The following PKLR variants were observed in gnomAD, a reference collection of about 807,000 sequenced individuals.
The protein encoded by PKLR is pyruvate kinase PKLR.
In PKLR, 38 loss-of-function variants were observed where a neutral mutation model predicts 53.6. That is an observed-to-expected ratio of 0.71 (90% confidence interval 0.55 to 0.93). PKLR has a LOEUF of 0.93. PKLR is among the 40% of genes least tolerant of loss of function. The pLI is 0.00. For synonymous variants in PKLR, 328 were observed against 316.2 expected (o/e 1.04, Z -0.39); for missense variants, 702 against 787.3 (o/e 0.89, Z 1.30).
chr1:155,294,803 G>T, intron 5 of PKLR, 51 bp from the exon 6 acceptor site: 1 of 1,608,246 alleles, frequency 6.2e-7, no homozygotes, highest in Non-Finnish European at 8.5e-7. Flanking sequence ...ACGGGGCACA[G>T]TTGCAGCAGA....
At position 155,293,095 on chromosome 1, in the gene PKLR, C is replaced by T. The variant is rs1489610264; in HGVS notation, c.1436+82G>A. 6.9e-7 allele frequency: 1 copy of T among 1,450,838 alleles called. No homozygotes were observed. Among genetic ancestry groups the T allele is most frequent in the Non-Finnish European group, 9.7e-7 (1 of 1,031,392 alleles). The allele number at this position is 1,450,838 out of a possible 1,614,324, so 89.9% of individuals were successfully genotyped here. A position where few individuals can be genotyped will look rare whatever the true frequency, so the allele number is the denominator to read the frequency against. The stretch of plus-strand genomic sequence containing the variant: ...GTGGACACTCTTCACCCCTGGTGAC[C>T]AGACTAAACCCAAGCCTGGGGCCCG... On this transcript the variant is annotated intron_variant, in intron 9 of 10. Transcript: ENST00000342741. This position sits in a 1 kb window ranked among gnomAD's most constrained non-coding sequence, Gnocchi z 4.2.
In PKLR at chr1:155,290,636, A is replaced by G. The variant is rs1674489561; in HGVS notation, c.1661T>C (p.Val554Ala). 1 of 1,613,706 alleles carries G rather than the reference A, an allele frequency of 6.2e-7. No homozygotes were observed. Among genetic ancestry groups the G allele is most frequent in the Non-Finnish European group, 8.5e-7 (1 of 1,179,706 alleles). Reference sequence around the variant, plus strand: ...GGAGCCAGGTCGCCAGCCTGTCACCACAATCACCAGGTCTCCAACACGGAG... The same window carrying G: ...GGAGCCAGGTCGCCAGCCTGTCACCGCAATCACCAGGTCTCCAACACGGAG... ...GFLRVGDLVI[V>A]VTGWRPGSGY... The change falls in exon 11 of 11, where the codon GTG becomes GCG. Residue 554 changes from valine to alanine, a missense_variant. Physicochemically the swap from Val to Ala is moderately conservative, Grantham distance 64 (BLOSUM62 0). Coordinates refer to ENST00000342741, the MANE Select transcript of PKLR (RefSeq NM_000298.6).
intron 2 of PKLR, among the ~76,000 whole-genome samples, chr1:155,296,654 T>G (rs1465345887): frequency 1.3e-5 from 2 of 152,096 alleles, no homozygotes; most frequent in African/African-American, 2.4e-5. Context: ...CATGTTTTCC[T>G]TTTTTACTGG....
chr1:155,296,144 T>C (rs1010588359), intron 2 of PKLR, among the ~76,000 whole-genome samples: 1 of 152,090 alleles, frequency 6.6e-6, no homozygotes, highest in African/African-American at 2.4e-5. Flanking sequence ...GGAGGCCTCA[T>C]GGACTGAGGA....
intron 2 of PKLR, among the ~76,000 whole-genome samples, chr1:155,296,320 C>A (rs1177361210): frequency 2.0e-5 from 3 of 152,014 alleles, no homozygotes; most frequent in Non-Finnish European, 2.9e-5. Flanking sequence ...CTCTGTGACA[C>A]CCATGTTTTC....
chr1:155,297,071 C>T (rs981629771), intron 2 of PKLR, among the ~76,000 whole-genome samples: 9 of 152,188 alleles, frequency 5.9e-5, no homozygotes, highest in African/African-American at 2.2e-4. Flanking sequence ...TCCCAGTCTC[C>T]TTTCCTTGTT....
chr1:155,304,603 C>T (rs560722269), upstream of PKLR, among the ~76,000 whole-genome samples: 9 of 152,134 alleles, frequency 5.9e-5, no homozygotes, highest in South Asian at 6.2e-4. Context: ...CAGAGTGGAA[C>T]GGCAAAACAG....
chr1:155,292,474 A>G (rs1276843348), intron 9 of PKLR, among the ~76,000 whole-genome samples: 1 of 152,064 alleles, frequency 6.6e-6, no homozygotes, highest in Non-Finnish European at 1.5e-5. Flanking sequence ...TGTCTCTACT[A>G]AAAATACAAA....
In PKLR at chr1:155,294,718, G is replaced by A. The variant is rs1335763879; in HGVS notation, c.729C>T (p.Gly243=). ...CGCCCTTCCGGCTGCCCAGGACGCC[G>A]CCGTTCTCCACTTGGGTCACCAGTC... The part of the protein sequence containing the change: ...PEGLVTQVEN[G]GVLGSRKGVN... Residue 243 remains glycine, a synonymous_variant, in exon 6 of 11, where the codon GGC becomes GGT. Coordinates refer to ENST00000342741, the MANE Select transcript of PKLR (RefSeq NM_000298.6). 3 of 1,613,918 alleles carry A rather than the reference G, an allele frequency of 1.9e-6. No homozygotes were observed. The highest frequency in any genetic ancestry group is 1.7e-6 in the Non-Finnish European group (2 of 1,180,010).
Position 155,295,385 on chromosome 1 carries a change from C to G in PKLR, c.507+52G>C, listed in dbSNP as rs1434870969. 6.2e-7 allele frequency: 1 copy of G among 1,612,818 alleles called. No homozygotes were observed. Among genetic ancestry groups the G allele is most frequent in the Admixed American group, 1.7e-5 (1 of 59,870 alleles). On this transcript the variant is annotated intron_variant, in intron 4 of 10. Transcript: ENST00000342741. This position sits in a 1 kb window ranked among gnomAD's most constrained non-coding sequence, Gnocchi z 4.3. ...CTGCCCACGCCTGGGCCCAACCCTA[C>G]AGGCGCCGCCTTTCCGGCCCTGGCC...
At chr1:155,305,066 C>T (rs1362506453), upstream of PKLR, among the ~76,000 whole-genome samples, 1 of 152,044 alleles carries the variant, frequency 6.6e-6, no homozygotes, top group Non-Finnish European at 1.5e-5. Flanking sequence ...CATTTACCTC[C>T]CCAGTTGCCA....
chr1:155,300,516 A>G (rs1238684946), intron 1 of PKLR, among the ~76,000 whole-genome samples: 8 of 152,176 alleles, frequency 5.3e-5, no homozygotes, highest in African/African-American at 1.9e-4. Context: ...CCAATATTAT[A>G]CAGCTTCTAA....
intron 9 of PKLR, 101 bp from the exon 10 acceptor site, chr1:155,292,038 G>A: frequency 8.9e-7 from 1 of 1,129,522 alleles, no homozygotes. Context: ...CAAGCTGTGT[G>A]ACCCTGGGTA....
the PKLR span, among the ~76,000 whole-genome samples, chr1:155,307,162 C>G: frequency 6.6e-6 from 1 of 152,210 alleles, no homozygotes; most frequent in Non-Finnish European, 1.5e-5. Flanking sequence ...ATCCGCCCAC[C>G]TTGGCCTCCC....
intron 10 of PKLR, among the ~76,000 whole-genome samples, chr1:155,291,421 A>G (rs369234431): frequency 5.8e-4 from 88 of 151,960 alleles, no homozygotes; most frequent in African/African-American, 2.1e-3. Flanking sequence ...ACTTGAACCC[A>G]GGAGGCAGAG....
upstream of PKLR, among the ~76,000 whole-genome samples, chr1:155,304,478 G>A (rs1359118783): frequency 6.7e-6 from 1 of 150,148 alleles, no homozygotes; most frequent in Non-Finnish European, 1.5e-5. Flanking sequence ...GGTAGGTACA[G>A]GCAGAACTAC....
intron 2 of PKLR, among the ~76,000 whole-genome samples, chr1:155,299,446 CCTAAAGTGCTGGGATTACAGGCA>C (rs1369316873): frequency 1.3e-5 from 2 of 149,842 alleles, no homozygotes; most frequent in Admixed American, 6.6e-5. Flanking sequence ...ACCTTGGCCT[CCTAAAGTGCTGGGATTACAGGCA>C]TGAGCCACTG....
the PKLR span, among the ~76,000 whole-genome samples, chr1:155,308,333 C>T: frequency 6.6e-6 from 1 of 152,068 alleles, no homozygotes; most frequent in Non-Finnish European, 1.5e-5. Flanking sequence ...TCCCAAAGTG[C>T]TGGGATTACA....
At position 155,301,390 on chromosome 1, in the gene PKLR, C is replaced by T. The variant is rs139697646; in HGVS notation, c.6G>A (p.Ser2=). 680 of 1,613,940 alleles carry T rather than the reference C, an allele frequency of 4.2e-4. 1 individual carries two copies. Among genetic ancestry groups the T allele is most frequent in the Non-Finnish European group, 5.1e-4 (607 of 1,179,932 alleles). Residue 2 remains serine, a synonymous_variant, in exon 1 of 11, where the codon TCG becomes TCA. Transcript: ENST00000342741. ...GCAGGGATGATATGTTCTCCTGGAT[C>T]GACATGCTTTCAGTGTGGGCCTGGG... is the stretch of plus-strand genomic sequence containing the variant. M[S]IQENISSLQL... is the part of the protein sequence containing the mutation.
Sources: allele counts gnomAD v4.1 joint callset (sites outside exome capture counted in the v4.1 genomes callset), GRCh38; gene constraint gnomAD v4.1.1; non-coding constraint Gnocchi (gnomAD v3.1); transcripts MANE v1.5; gene names NCBI Gene and HGNC (gene_info 2026-07-23, HGNC 2026-07-21).